DTL: variants seen among roughly 807,000 people sequenced by gnomAD.
The protein encoded by DTL is denticleless E3 ubiquitin protein ligase adapter, also known as denticleless protein homolog.
A neutral mutation model predicts 87.0 loss-of-function variants in DTL; 46 were observed. That is an observed-to-expected ratio of 0.53 (90% confidence interval 0.42 to 0.68). The LOEUF is 0.68. Ranked by LOEUF, DTL falls within the 30% of genes least tolerant of loss-of-function variation. DTL has a pLI of 0.00. For missense variants in DTL, 737 were observed against 869.4 expected, an observed-to-expected ratio of 0.85 and a Z score of 1.91; for synonymous variants, 308 against 311.2, an observed-to-expected ratio of 0.99 and a Z score of 0.11.
At chr1:212,052,067 G>C in intron 5 of DTL, 2 of 909,876 alleles carry the variant, frequency 2.2e-6, no homozygotes, top group South Asian at 1.3e-5. Flanking sequence ...TGAAATTCTG[G>C]GTCAACAGCT....
chr1:212,103,025 A>AGTGACTCT lies in DTL; in HGVS notation c.*86_*93dup. On this transcript the variant is annotated 3_prime_UTR_variant, in exon 15 of 15. Transcript: ENST00000366991. ...ACTAAAACAAGATGAAAAATACAAG[A>AGTGACTCT]GTGACTCTATAACTCTGGTCTTTAA... 1 of 759,716 alleles carries AGTGACTCT rather than the reference A, an allele frequency of 1.3e-6. No homozygotes were observed. Among genetic ancestry groups the AGTGACTCT allele is most frequent in the South Asian group, 1.8e-5 (1 of 55,888 alleles). 47.1% of individuals were successfully genotyped at this position (759,716 alleles called of 1,614,324 possible). A position where few individuals can be genotyped will look rare whatever the true frequency, so the allele number is the denominator to read the frequency against.
chr1:212,038,044 A>G (rs1667538523), intron 1 of DTL, among the ~76,000 whole-genome samples: 1 of 152,204 alleles, frequency 6.6e-6, no homozygotes, highest in African/African-American at 2.4e-5. Context: ...AACCAGCTCT[A>G]GACCAGACAC....
At position 212,072,083 on chromosome 1, in the gene DTL, G is replaced by T. The variant is rs200632812; in HGVS notation, c.923-18G>T. ...GAAATAACAAGAGCCAAGTAATTTG[G>T]TTTTTTTCCTCTGGCAGTGGCTATT... On this transcript the variant is annotated intron_variant, in intron 10 of 14. Coordinates refer to ENST00000366991, the MANE Select transcript of DTL (RefSeq NM_016448.4). 1,390 of 1,596,584 alleles carry T rather than the reference G, an allele frequency of 8.7e-4. 1 individual carries two copies. Among genetic ancestry groups the T allele is most frequent in the Admixed American group, 1.2e-3 (71 of 59,880 alleles).
At chr1:212,064,155 C>T (rs1654420703) in intron 6 of DTL, among the ~76,000 whole-genome samples, 1 of 151,988 alleles carries the variant, frequency 6.6e-6, no homozygotes, top group African/African-American at 2.4e-5. Context: ...GCCTCCCATT[C>T]TTCTAGCTAT....
chr1:212,085,723 G>A (rs1447536578), intron 13 of DTL, among the ~76,000 whole-genome samples: 2 of 152,138 alleles, frequency 1.3e-5, no homozygotes, highest in East Asian at 3.8e-4. Flanking sequence ...CCTCTTCTGA[G>A]GTAACAAGGA....
chr1:212,098,742 G>T (rs1321318286), intron 13 of DTL, among the ~76,000 whole-genome samples: 3 of 152,084 alleles, frequency 2.0e-5, no homozygotes, highest in Non-Finnish European at 4.4e-5. Flanking sequence ...CTCCTGCAGT[G>T]CTTCCCCAAC....
At chr1:212,057,360 GA>G (rs35722026) in intron 5 of DTL, among the ~76,000 whole-genome samples, 43,329 of 143,626 alleles carry the variant, frequency 0.3, 6,978 homozygotes, top group African/African-American at 0.45. Flanking sequence ...CATGCTTAAA[GA>G]AAAAAAAAAA....
chr1:212,068,132 G>A, intron 8 of DTL, 92 bp from the exon 9 acceptor site: 2 of 750,048 alleles, frequency 2.7e-6, no homozygotes, highest in Non-Finnish European at 4.4e-6. Context: ...TGCCAGAGGA[G>A]TTAGATTAAA....
At position 212,047,353 on chromosome 1, in the gene DTL, G is replaced by C. The variant is rs114739826; in HGVS notation, c.396G>C (p.Leu132=). 490 of 1,614,184 alleles carry C rather than the reference G, an allele frequency of 3.0e-4. 3 individuals are homozygous for C. The African/African-American group carries it at 6.2e-3, about 20-fold the overall frequency. Residue 132 remains leucine, a synonymous_variant, in exon 5 of 15, where the codon CTG becomes CTC. Transcript: ENST00000366991. ...AKFWDVKAGE[L]IGTCKGHQCS... is the part of the protein sequence containing the mutation. Reference sequence around the variant, plus strand: ...TTTGGGACGTAAAAGCTGGTGAGCTGATTGGAACATGCAAAGGTCATCAAT... The same window carrying C: ...TTTGGGACGTAAAAGCTGGTGAGCTCATTGGAACATGCAAAGGTCATCAAT...
intron 13 of DTL, among the ~76,000 whole-genome samples, chr1:212,094,798 C>T (rs1025548255): frequency 2.0e-5 from 3 of 152,114 alleles, no homozygotes; most frequent in African/African-American, 7.2e-5. Flanking sequence ...TTGTAGTTTT[C>T]CTTGTAGAGG....
chr1:212,089,174 C>G (rs1165509975), intron 13 of DTL, among the ~76,000 whole-genome samples: 2 of 152,190 alleles, frequency 1.3e-5, no homozygotes, highest in Non-Finnish European at 2.9e-5. Context: ...AGGGCAATAA[C>G]TCAGTCTATG....
intron 3 of DTL, among the ~76,000 whole-genome samples, chr1:212,046,276 T>A (rs560180905): frequency 7.2e-5 from 11 of 152,264 alleles, no homozygotes; most frequent in African/African-American, 2.4e-4. Flanking sequence ...ATTTTTTATG[T>A]GTGCATCTTT....
At chr1:212,070,874 C>T (rs1324590559) in intron 10 of DTL, among the ~76,000 whole-genome samples, 3 of 152,138 alleles carry the variant, frequency 2.0e-5, no homozygotes, top group Non-Finnish European at 4.4e-5. Flanking sequence ...ATTTACAGTG[C>T]ATATCATACC....
At chr1:212,053,133 T>C (rs1034725036) in intron 5 of DTL, among the ~76,000 whole-genome samples, 1 of 152,230 alleles carries the variant, frequency 6.6e-6, no homozygotes. Flanking sequence ...GTTCTATTTT[T>C]CTCTCTCTTC....
At chr1:212,045,563 T>G (rs1667783782) in intron 3 of DTL, among the ~76,000 whole-genome samples, 1 of 152,142 alleles carries the variant, frequency 6.6e-6, no homozygotes, top group Non-Finnish European at 1.5e-5. Flanking sequence ...AAACAAAGAC[T>G]ATAAATGATG....
Position 212,047,145 on chromosome 1 carries a change from G to T in DTL, c.278-6G>T. The T allele has an allele frequency of 6.2e-7, 1 of 1,613,726 alleles. No individual in the cohort carries two copies. Among genetic ancestry groups the T allele is most frequent in the Non-Finnish European group, 8.5e-7 (1 of 1,179,654 alleles). ...ACATTTCACATTTACCATTTTCTTT[G>T]TTTAGAATGGATGGCTCACTGGAAT... On this transcript the variant is annotated splice_polypyrimidine_tract_variant and splice_region_variant and intron_variant, in intron 3 of 14. Coordinates refer to ENST00000366991, the MANE Select transcript of DTL (RefSeq NM_016448.4).
chr1:212,038,915 G>A (rs1266470802), intron 1 of DTL, among the ~76,000 whole-genome samples: 1 of 152,044 alleles, frequency 6.6e-6, no homozygotes, highest in Non-Finnish European at 1.5e-5. Flanking sequence ...AAATACTATA[G>A]TGATTTGATA....
Position 212,078,188 on chromosome 1 carries a change from CA to C in DTL, c.1053del (p.Gln351HisfsTer35). On this transcript the variant is annotated frameshift_variant, in exon 12 of 15. Coordinates refer to ENST00000366991, the MANE Select transcript of DTL (RefSeq NM_016448.4). LOFTEE classifies it high-confidence loss of function. ...ATTGGACTAGGTCTCCACACCCTGG[CA>C]ACCTCCTACTGTGCTCCTGGGTCAT... The part of the protein sequence containing the change: ...AYIWKVSTPW[Q>X]PPTVLLGHSQ... 6.2e-7 allele frequency: 1 copy of C among 1,609,402 alleles called. No homozygotes were observed. The highest frequency in any genetic ancestry group is 8.5e-7 in the Non-Finnish European group (1 of 1,175,846).
chr1:212,067,312 T>C (rs1002675541), intron 8 of DTL, among the ~76,000 whole-genome samples: 2 of 152,210 alleles, frequency 1.3e-5, no homozygotes, highest in African/African-American at 2.4e-5. Context: ...AATTGACATT[T>C]CTGGGAGTAA....
Sources: gnomAD v4.1 joint callset for allele counts (sites outside exome capture counted in the v4.1 genomes callset) on GRCh38, gnomAD v4.1.1 for gene constraint, MANE v1.5 for transcripts, NCBI Gene and HGNC (gene_info 2026-07-23, HGNC 2026-07-21) for gene names.